SDK1: variants seen among roughly 807,000 people sequenced by gnomAD.
The protein encoded by SDK1 is protein sidekick-1.
In SDK1, 157 loss-of-function variants were observed where a neutral mutation model predicts 245.5. That is an observed-to-expected ratio of 0.64 (90% CI 0.56 to 0.73). SDK1 has a LOEUF of 0.73. Ranked by LOEUF, SDK1 falls within the 30% of genes least tolerant of loss-of-function variation. The pLI is 0.00. For missense variants in SDK1, 3,583 were observed against 3,002.3 expected, an observed-to-expected ratio of 1.19 and a Z score of -4.52; for synonymous variants, 1,647 against 1,278.5, an observed-to-expected ratio of 1.29 and a Z score of -6.15.
chr7:3,562,160 A>G (rs1779770674), intron 1 of SDK1, among the ~76,000 whole-genome samples: 1 of 152,208 alleles, frequency 6.6e-6, no homozygotes. Context: ...CGGAAACTGC[A>G]TAGCACCCTA....
intron 1 of SDK1, among the ~76,000 whole-genome samples, chr7:3,523,781 A>G (rs1783024691): frequency 6.6e-6 from 1 of 152,194 alleles, no homozygotes; most frequent in Admixed American, 6.5e-5. Flanking sequence ...TATTAAGGTT[A>G]ATTTTTTAAA....
At chr7:3,718,269 A>G (rs750366951) in intron 4 of SDK1, among the ~76,000 whole-genome samples, 7 of 152,040 alleles carry the variant, frequency 4.6e-5, no homozygotes, top group Non-Finnish European at 8.8e-5. Context: ...AAAGGCCGAG[A>G]TGGGTGGAAT....
intron 1 of SDK1, among the ~76,000 whole-genome samples, chr7:3,508,060 G>A (rs1479687070): frequency 6.6e-6 from 1 of 151,974 alleles, no homozygotes; most frequent in African/African-American, 2.4e-5. Flanking sequence ...TGTCTGTCTG[G>A]CTTCTGTTTC....
chr7:3,465,796 A>G (rs1202944020), intron 1 of SDK1, among the ~76,000 whole-genome samples: 2 of 152,118 alleles, frequency 1.3e-5, no homozygotes, highest in African/African-American at 2.4e-5. Flanking sequence ...GCAGCCTATG[A>G]TGGAGTACTT....
At chr7:3,917,076 A>G (rs562092164) in intron 5 of SDK1, among the ~76,000 whole-genome samples, 106 of 152,360 alleles carry the variant, frequency 7.0e-4, no homozygotes, top group Admixed American at 1.4e-3. Context: ...TGATGACAAC[A>G]TAATTGTTTT....
chr7:3,409,988 A>T (rs1026372763), intron 1 of SDK1, among the ~76,000 whole-genome samples: 2 of 152,178 alleles, frequency 1.3e-5, no homozygotes, highest in Non-Finnish European at 1.5e-5. Flanking sequence ...CTTCACAGAC[A>T]TGCTGTCTGT....
chr7:3,361,175 G>A (rs1369425667), intron 1 of SDK1, among the ~76,000 whole-genome samples: 8 of 152,192 alleles, frequency 5.3e-5, no homozygotes, highest in African/African-American at 1.9e-4. Flanking sequence ...TTATGGCCAG[G>A]TGTGGTGGCT....
intron 1 of SDK1, among the ~76,000 whole-genome samples, chr7:3,464,644 T>G (rs1780935070): frequency 6.6e-6 from 1 of 151,780 alleles, no homozygotes; most frequent in Non-Finnish European, 1.5e-5. Context: ...GGATAATAAA[T>G]GAAGCATGAA....
Position 3,522,706 on chromosome 7 carries a change from T to G in SDK1, c.299-96374T>G, listed in dbSNP as rs193257873. Among the ~76,000 whole-genome samples, 369 of 152,266 alleles carry G rather than the reference T, an allele frequency of 2.4e-3. 3 individuals are homozygous for G. The highest frequency in any genetic ancestry group is 0.018 in the South Asian group (87 of 4,820). On this transcript the variant is annotated intron_variant, in intron 1 of 44. Coordinates refer to ENST00000404826, the MANE Select transcript of SDK1 (RefSeq NM_152744.4). ...GGGATAGTTGACAAACCGGGGGACG[T>G]GCTATCCTAATCTGCAGAGGTGCTA...
intron 41 of SDK1, among the ~76,000 whole-genome samples, chr7:4,233,930 G>A (rs1411283125): frequency 6.6e-6 from 1 of 152,208 alleles, no homozygotes; most frequent in African/African-American, 2.4e-5. Context: ...AGAGACACAT[G>A]GAAGTGTCAG....
intron 1 of SDK1, among the ~76,000 whole-genome samples, chr7:3,503,317 C>A (rs866295983): frequency 1.3e-5 from 2 of 152,176 alleles, no homozygotes; most frequent in South Asian, 2.1e-4. Flanking sequence ...CAAAATGATA[C>A]ATTTTCAGCT....
At chr7:3,888,533 TTTG>T (rs1781387765) in intron 5 of SDK1, among the ~76,000 whole-genome samples, 1 of 152,250 alleles carries the variant, frequency 6.6e-6, no homozygotes, top group East Asian at 1.9e-4. Flanking sequence ...TGCTGCTGTA[TTTG>T]TTGTTCACAG....
chr7:3,903,026 A>G (rs1781841923), intron 5 of SDK1, among the ~76,000 whole-genome samples: 1 of 152,226 alleles, frequency 6.6e-6, no homozygotes, highest in South Asian at 2.1e-4. Flanking sequence ...AACACCTGAG[A>G]AAATGCTTAA....
At chr7:3,816,451 G>C (rs537044858) in intron 4 of SDK1, among the ~76,000 whole-genome samples, 1 of 149,768 alleles carries the variant, frequency 6.7e-6, no homozygotes, top group East Asian at 1.9e-4. Flanking sequence ...ACTACCATCA[G>C]AGAATACTAC....
rs75200840 is a variant in SDK1 at position 3,649,179 on chromosome 7, C to T, written c.713+7074C>T. On this transcript the variant is annotated intron_variant, in intron 4 of 44. Transcript: ENST00000404826. The stretch of plus-strand genomic sequence containing the variant: ...CTTTGGGGTGAGGGTCGTGCTGCCA[C>T]GCTGAGAAGACATGGATGGGTGGGA... Among the ~76,000 whole-genome samples, 1,212 of 152,184 alleles carry T rather than the reference C, an allele frequency of 8.0e-3. 8 individuals carry two copies. The highest frequency in any genetic ancestry group is 0.011 in the Non-Finnish European group (776 of 68,014).
intron 25 of SDK1, among the ~76,000 whole-genome samples, chr7:4,120,925 C>CT (rs1200378481): frequency 3.2e-4 from 44 of 135,656 alleles, no homozygotes; most frequent in Non-Finnish European, 2.9e-4. Context: ...CAAGAACACT[C>CT]TTTTAAAAAA....
chr7:4,173,072 C>T lies in SDK1; in HGVS notation c.4801-1150C>T, dbSNP rs565312338. Among the ~76,000 whole-genome samples, 6 of 152,344 alleles carry T rather than the reference C, an allele frequency of 3.9e-5. No individual in the cohort carries two copies. In the East Asian group the frequency reaches 5.8e-4, roughly 15 times the overall value. ...CGTGCAGCAAAGCTGTGGCTCCGCC[C>T]AGGGAGCAGGATGGTGCTGCGGTGT... On this transcript the variant is annotated intron_variant, in intron 32 of 44. Transcript: ENST00000404826.
At chr7:3,488,106 T>A (rs910094525) in intron 1 of SDK1, among the ~76,000 whole-genome samples, 1 of 152,214 alleles carries the variant, frequency 6.6e-6, no homozygotes, top group Non-Finnish European at 1.5e-5. Context: ...CTTGTGCAGA[T>A]TCATCTCTTT....
At chr7:3,861,632 A>G (rs913482790) in intron 5 of SDK1, among the ~76,000 whole-genome samples, 1 of 152,230 alleles carries the variant, frequency 6.6e-6, no homozygotes, top group Non-Finnish European at 1.5e-5. Context: ...GTGCTCATTC[A>G]AAACCTTATT....
Sources: gnomAD v4.1 joint callset for allele counts (sites outside exome capture counted in the v4.1 genomes callset) on GRCh38, gnomAD v4.1.1 for gene constraint, MANE v1.5 for transcripts, NCBI Gene and HGNC (gene_info 2026-07-23, HGNC 2026-07-21) for gene names.